Variants in ASXL1 observed in about 807,000 individuals in gnomAD.
The protein encoded by ASXL1 is ASXL transcriptional regulator 1, also known as polycomb group protein ASXL1.
In ASXL1, 65 loss-of-function variants were observed where a neutral mutation model predicts 89.1. The ratio of observed to expected loss-of-function variants is 0.73; its 90% confidence interval spans 0.60 to 0.90. ASXL1 has a LOEUF of 0.90. ASXL1 is among the 40% of genes least tolerant of loss of function. The pLI is 0.00. For synonymous variants in ASXL1, 739 were observed against 746.9 expected, an observed-to-expected ratio of 0.99 and a Z score of 0.17; for missense variants, 1,786 against 1,942.9, an observed-to-expected ratio of 0.92 and a Z score of 1.52.
intron 4 of ASXL1, among the ~76,000 whole-genome samples, chr20:32,387,287 T>A (rs916763962): frequency 6.6e-6 from 1 of 151,898 alleles, no homozygotes; most frequent in Non-Finnish European, 1.5e-5. Flanking sequence ...TCTCAAAATA[T>A]AAATAAAATA....
chr20:32,372,563 T>C (rs993932451), intron 4 of ASXL1: 9 of 262,964 alleles, frequency 3.4e-5, no homozygotes, highest in Non-Finnish European at 5.7e-5. Context: ...ATTTAGTGAA[T>C]AATGGCTACA....
At position 32,435,544 on chromosome 20, in the gene ASXL1, G is replaced by A; in HGVS notation, c.2832G>A (p.Leu944=). 6.2e-7 allele frequency: 1 copy of A among 1,614,056 alleles called. No individual in the cohort carries two copies. Among genetic ancestry groups the A allele is most frequent in the Admixed American group, 1.7e-5 (1 of 60,032 alleles). ...CCCCTCCTGCATTGCCTGGGGATTT[G>A]ACAGCTGAGGAGGGTCTAGATCCTC... ...APTPPALPGD[L]TAEEGLDPLD... The change falls in exon 13 of 13, where the codon TTG becomes TTA. Residue 944 remains leucine, a synonymous_variant. Coordinates refer to ENST00000375687, the MANE Select transcript of ASXL1 (RefSeq NM_015338.6).
chr20:32,359,792 G>T (rs1297931019), intron 1 of ASXL1: 2 of 718,050 alleles, frequency 2.8e-6, no homozygotes, highest in Admixed American at 4.0e-5. Flanking sequence ...GGACTTGCAG[G>T]TGAAATAGCT....
At chr20:32,361,776 G>A (rs974729388) in intron 1 of ASXL1, among the ~76,000 whole-genome samples, 2 of 150,570 alleles carry the variant, frequency 1.3e-5, no homozygotes, top group Non-Finnish European at 3.0e-5. Flanking sequence ...AACTTTTTAA[G>A]AGTCCCAGGC....
At chr20:32,360,007 G>A in intron 1 of ASXL1, 1 of 564,754 alleles carries the variant, frequency 1.8e-6, no homozygotes, top group Non-Finnish European at 3.2e-6. Flanking sequence ...GATGAGTGAA[G>A]CTCAGACTTA....
intron 4 of ASXL1, among the ~76,000 whole-genome samples, chr20:32,371,107 G>A (rs2048294941): frequency 6.6e-6 from 1 of 152,008 alleles, no homozygotes; most frequent in African/African-American, 2.4e-5. Flanking sequence ...TCCAGCCTGG[G>A]CCACATAGCA....
chr20:32,377,131 A>G (rs2048397192), intron 4 of ASXL1, among the ~76,000 whole-genome samples: 1 of 141,648 alleles, frequency 7.1e-6, no homozygotes, highest in Non-Finnish European at 1.5e-5. Context: ...TATTAATATA[A>G]TATATATTAT....
At chr20:32,414,662 A>G (rs1471806094) in intron 4 of ASXL1, among the ~76,000 whole-genome samples, 1 of 152,180 alleles carries the variant, frequency 6.6e-6, no homozygotes, top group Non-Finnish European at 1.5e-5. Context: ...TATCTTTCAT[A>G]TAACAATGTG....
In ASXL1 at chr20:32,411,040, A is replaced by T. The variant is rs549841343; in HGVS notation, c.253-17088A>T. On this transcript the variant is annotated intron_variant, in intron 4 of 12. Transcript: ENST00000375687. Reference sequence around the variant, plus strand: ...GAACAAGACTCTGTCTCAAAAAAAAAAAAAAATAAAAAAAATAAAAAAAAA... The same window carrying T: ...GAACAAGACTCTGTCTCAAAAAAAATAAAAAATAAAAAAAATAAAAAAAAA... Among the ~76,000 whole-genome samples the T allele has an allele frequency of 7.7e-4, 64 of 82,894 alleles. 1 individual carries two copies. In the East Asian group the frequency reaches 0.017, roughly 22 times the overall value. The allele number at this position is 82,894 out of a possible 152,430, so 54.4% of individuals were successfully genotyped here.
Position 32,435,890 on chromosome 20 carries a change from G to T in ASXL1, c.3178G>T (p.Val1060Phe), listed in dbSNP as rs138521991. The part of the protein sequence containing the change: ...MRLVTRTDGM[V>F]APQSWVSRVC... ...TCTGGTTACAAGGACAGATGGGATGGTTGCTCCTCAGAGCTGGGTGTCTCG... is the reference window on the plus strand; with the variant it reads ...TCTGGTTACAAGGACAGATGGGATGTTTGCTCCTCAGAGCTGGGTGTCTCG... The change falls in exon 13 of 13, where the codon GTT (valine) becomes TTT (phenylalanine). Residue 1060 changes from valine to phenylalanine, a missense_variant. Val to Phe is a conservative substitution (Grantham distance 50). This residue lies in a region of ASXL1 where 1,418 missense variants were observed against 1,427.8 expected (regional missense o/e 0.99). Coordinates refer to ENST00000375687, the MANE Select transcript of ASXL1 (RefSeq NM_015338.6). 3 of 1,614,192 alleles carry T rather than the reference G, an allele frequency of 1.9e-6. No individual in the cohort carries two copies. The highest frequency in any genetic ancestry group is 1.3e-5 in the African/African-American group (1 of 75,038).
intron 4 of ASXL1, among the ~76,000 whole-genome samples, chr20:32,415,228 C>G (rs770792407): frequency 1.1e-4 from 16 of 152,028 alleles, no homozygotes; most frequent in Non-Finnish European, 2.2e-4. Context: ...AGGCTGGTCT[C>G]GAACTCCTGA....
intron 4 of ASXL1, among the ~76,000 whole-genome samples, chr20:32,402,276 A>G (rs886598567): frequency 2.0e-5 from 3 of 152,172 alleles, no homozygotes; most frequent in African/African-American, 7.2e-5. Context: ...GTTGGTCTCC[A>G]ACTCCTAGGC....
rs1457613112 is a variant in ASXL1 at position 32,363,285 on chromosome 20, C to T, written c.58-3099C>T. ...CTTAAAAAAAAAAGATATAAAAATT[C>T]GCCAGCTCAGCTTTCATTTAATTAG... On this transcript the variant is annotated intron_variant, in intron 1 of 12. Transcript: ENST00000375687. Among the ~76,000 whole-genome samples the T allele has an allele frequency of 2.6e-5, 4 of 151,816 alleles. No homozygotes were observed. In the South Asian group the frequency reaches 6.2e-4, roughly 24 times the overall value.
At position 32,431,705 on chromosome 20, in the gene ASXL1, G is replaced by A. The variant is rs367732350; in HGVS notation, c.979+26G>A. ...GTATGTAGACTTGGTCATCTCGGAC[G>A]GCTTGCGACGCACCTGTCGTGTGGT... On this transcript the variant is annotated intron_variant, in intron 10 of 12. Transcript: ENST00000375687. The A allele has an allele frequency of 5.1e-5, 82 of 1,607,242 alleles. No individual in the cohort carries two copies. In the South Asian group the frequency reaches 7.6e-4, roughly 15 times the overall value.
At chr20:32,420,728 T>C (rs1268495813) in intron 4 of ASXL1, among the ~76,000 whole-genome samples, 1 of 152,130 alleles carries the variant, frequency 6.6e-6, no homozygotes, top group Non-Finnish European at 1.5e-5. Context: ...AAGGAATACG[T>C]ACTCATCATC....
chr20:32,376,367 C>T (rs1382871553), intron 4 of ASXL1, among the ~76,000 whole-genome samples: 2 of 151,984 alleles, frequency 1.3e-5, no homozygotes, highest in East Asian at 1.9e-4. Flanking sequence ...CTCTGCCTCC[C>T]GGGTTGAAGT....
In ASXL1 at chr20:32,391,820, C is replaced by T. The variant is rs1046247507; in HGVS notation, c.252+22697C>T. Among the ~76,000 whole-genome samples, 5 of 152,288 alleles carry T rather than the reference C, an allele frequency of 3.3e-5. No homozygotes were observed. The East Asian group carries it at 9.7e-4, about 29-fold the overall frequency. On this transcript the variant is annotated intron_variant, in intron 4 of 12. Transcript: ENST00000375687. ...TTTGTGTTTTAGTAAAATTTCTGCT[C>T]TTCCTGGCAATACTTTTTTCTGAAA...
intron 4 of ASXL1, among the ~76,000 whole-genome samples, chr20:32,376,235 A>AT (rs1206958414): frequency 6.6e-6 from 1 of 151,418 alleles, no homozygotes; most frequent in East Asian, 1.9e-4. Context: ...ATTTTATTTT[A>AT]TTTTTATTTT....
At position 32,437,725 on chromosome 20, in the gene ASXL1, T is replaced by C. The variant is rs1042347004; in HGVS notation, c.*387T>C. On this transcript the variant is annotated 3_prime_UTR_variant, in exon 13 of 13. Coordinates refer to ENST00000375687, the MANE Select transcript of ASXL1 (RefSeq NM_015338.6). Reference sequence around the variant, plus strand: ...CCTGAACTAAGTAGAAATGCCAGTCTTCCACTACCCCCTCCCTGCCATCTT... The same window carrying C: ...CCTGAACTAAGTAGAAATGCCAGTCCTCCACTACCCCCTCCCTGCCATCTT... 8.2e-5 allele frequency: 26 copies of C among 315,376 alleles called. No individual in the cohort carries two copies. The highest frequency in any genetic ancestry group is 5.4e-4 in the African/African-American group (26 of 47,712). The allele number at this position is 315,376 out of a possible 1,614,324, so 19.5% of individuals were successfully genotyped here.
Sources: allele counts gnomAD v4.1 joint callset (sites outside exome capture counted in the v4.1 genomes callset), GRCh38; gene constraint gnomAD v4.1.1; regional missense constraint gnomAD v4.1.1; transcripts MANE v1.5; gene names NCBI Gene and HGNC (gene_info 2026-07-23, HGNC 2026-07-21).